The following PDZD8 variants were observed in gnomAD, a reference collection of about 807,000 sequenced individuals.
PDZD8 encodes PDZ domain-containing protein 8.
In PDZD8, 14 loss-of-function variants were observed where a neutral mutation model predicts 85.8. The ratio of observed to expected loss-of-function variants is 0.16; its 90% CI spans 0.11 to 0.26. PDZD8 has a LOEUF of 0.26. Among genes scored for constraint, PDZD8 ranks in the 10% least tolerant of loss-of-function variants. The probability of loss-of-function intolerance (pLI) is 1.00; values close to 1 mark genes in which losing one functional copy is unlikely to be tolerated. For synonymous variants in PDZD8, 592 were observed against 568.6 expected (o/e 1.04, Z -0.59); for missense variants, 1,197 against 1,424.3 (o/e 0.84, Z 2.57).
chr10:117,373,656 T>C (rs1000620018), intron 1 of PDZD8, among the ~76,000 whole-genome samples: 1 of 146,278 alleles, frequency 6.8e-6, no homozygotes, highest in Non-Finnish European at 1.5e-5. Flanking sequence ...GCCATACGCC[T>C]GTAACCCCAG....
At chr10:117,368,648 C>A (rs1279909544) in intron 1 of PDZD8, among the ~76,000 whole-genome samples, 3 of 152,086 alleles carry the variant, frequency 2.0e-5, no homozygotes, top group Non-Finnish European at 4.4e-5. Flanking sequence ...AGTTGATGCC[C>A]CCCTTTTTGG....
intron 2 of PDZD8, among the ~76,000 whole-genome samples, chr10:117,323,987 G>A (rs116333400): frequency 1.4e-4 from 22 of 151,956 alleles, no homozygotes; most frequent in Admixed American, 3.3e-4. Flanking sequence ...CAGCACTTTG[G>A]GGGGCCAAGG....
At chr10:117,307,567 C>A (rs1843965240) in intron 3 of PDZD8, among the ~76,000 whole-genome samples, 1 of 151,994 alleles carries the variant, frequency 6.6e-6, no homozygotes, top group African/African-American at 2.4e-5. Flanking sequence ...GTCTTATTTA[C>A]AGTAGTTAAT....
intron 1 of PDZD8, among the ~76,000 whole-genome samples, chr10:117,371,247 C>G (rs919339575): frequency 6.6e-6 from 1 of 152,066 alleles, no homozygotes; most frequent in Non-Finnish European, 1.5e-5. Flanking sequence ...TGCAGTGGTG[C>G]GATATCGGCT....
rs544467275 is a variant in PDZD8 at position 117,300,068 on chromosome 10, C to A, written c.1099-9720G>T. Among the ~76,000 whole-genome samples, 6 of 152,136 alleles carry A rather than the reference C, an allele frequency of 3.9e-5. No homozygotes were observed. In the South Asian group the frequency reaches 1.0e-3, roughly 26 times the overall value. On this transcript the variant is annotated intron_variant, in intron 3 of 4. Transcript: ENST00000334464. ...AGCACAGGTTATATGAGAAACCCCC[C>A]CCATGTCAAATCAACACCTTTACCC...
chr10:117,309,954 T>C (rs2133795181), intron 3 of PDZD8, among the ~76,000 whole-genome samples: 1 of 152,250 alleles, frequency 6.6e-6, no homozygotes, highest in Admixed American at 6.5e-5. Flanking sequence ...GATTCTGATG[T>C]CACTTTCATT....
intron 2 of PDZD8, among the ~76,000 whole-genome samples, chr10:117,324,602 A>C (rs1175951373): frequency 6.6e-6 from 1 of 152,194 alleles, no homozygotes; most frequent in African/African-American, 2.4e-5. Context: ...TCTGGAATAC[A>C]AGTTTCTGAT....
chr10:117,302,566 C>A (rs2133782954), intron 3 of PDZD8, among the ~76,000 whole-genome samples: 1 of 152,294 alleles, frequency 6.6e-6, no homozygotes, highest in South Asian at 2.1e-4. Flanking sequence ...GGAAAAGAAT[C>A]TCTCAACTAA....
At position 117,302,704 on chromosome 10, in the gene PDZD8, T is replaced by C. The variant is rs577516848; in HGVS notation, c.1099-12356A>G. 2.0e-5 allele frequency among the ~76,000 whole-genome samples: 3 copies of C among 152,280 alleles called. No homozygotes were observed. The East Asian group carries it at 5.8e-4, about 29-fold the overall frequency. Reference sequence around the variant, plus strand: ...TGTATCTCCCAGAATTCACATATGTTGTGGGAGGGACCCAGGGGGGCGTAA... The same window carrying C: ...TGTATCTCCCAGAATTCACATATGTCGTGGGAGGGACCCAGGGGGGCGTAA... On this transcript the variant is annotated intron_variant, in intron 3 of 4. Transcript: ENST00000334464.
At chr10:117,321,452 A>C (rs1015747833) in intron 2 of PDZD8, among the ~76,000 whole-genome samples, 10 of 152,192 alleles carry the variant, frequency 6.6e-5, no homozygotes, top group African/African-American at 2.4e-4. Flanking sequence ...ATTTATACAG[A>C]TAGAAAGTTA....
In PDZD8 at chr10:117,280,336, T is replaced by TA. The variant is rs1844560065; in HGVS notation, c.*2931dup. 2.6e-5 allele frequency: 4 copies of TA among 152,148 alleles called. 1 individual carries two copies. In the South Asian group the frequency reaches 8.3e-4, roughly 31 times the overall value. The allele number at this position is 152,148 out of a possible 1,614,324, so 9.4% of individuals were successfully genotyped here. On this transcript the variant is annotated 3_prime_UTR_variant, in exon 5 of 5. Coordinates refer to ENST00000334464, the MANE Select transcript of PDZD8 (RefSeq NM_173791.5). ...TTGATAATCCATAAGGAAACAATAG[T>TA]AAAAAAATGTTTTGGGGCAGTCTGC...
intron 3 of PDZD8, among the ~76,000 whole-genome samples, chr10:117,311,234 G>C (rs912042311): frequency 3.8e-5 from 4 of 105,316 alleles, no homozygotes; most frequent in African/African-American, 1.3e-4. Context: ...TAAAAATCAG[G>C]CTTTTCACAA....
intron 1 of PDZD8, among the ~76,000 whole-genome samples, chr10:117,346,305 G>A (rs1436286476): frequency 6.7e-6 from 1 of 149,152 alleles, no homozygotes; most frequent in Non-Finnish European, 1.5e-5. Context: ...CCAATAAAGA[G>A]ACAGGAATTG....
chr10:117,283,192 T>C lies in PDZD8; in HGVS notation c.*76A>G. Reference sequence around the variant, plus strand: ...AGCAGGCCAGAGTGCATACGAGGATTTAAACATGGTTGTATCTGTGGTACT... The same window carrying C: ...AGCAGGCCAGAGTGCATACGAGGATCTAAACATGGTTGTATCTGTGGTACT... On this transcript the variant is annotated 3_prime_UTR_variant, in exon 5 of 5. Transcript: ENST00000334464. 1 of 1,426,206 alleles carries C rather than the reference T, an allele frequency of 7.0e-7. No homozygotes were observed. Among genetic ancestry groups the C allele is most frequent in the Non-Finnish European group, 9.5e-7 (1 of 1,056,060 alleles). The allele number at this position is 1,426,206 out of a possible 1,614,324, so 88.3% of individuals were successfully genotyped here. A position where few individuals can be genotyped will look rare whatever the true frequency, so the allele number is the denominator to read the frequency against.
chr10:117,285,220 C>T lies in PDZD8; in HGVS notation c.1513G>A (p.Val505Ile), dbSNP rs770315380. 2 of 1,614,210 alleles carry T rather than the reference C, an allele frequency of 1.2e-6. No homozygotes were observed. Among genetic ancestry groups the T allele is most frequent in the South Asian group, 1.1e-5 (1 of 91,082 alleles). The change falls in exon 5 of 5, where the codon GTC becomes ATC. Residue 505 changes from valine (V) to isoleucine (I), a missense_variant. This residue lies in a region of PDZD8 where 263 missense variants were observed against 261.9 expected (regional missense o/e 1.00). Coordinates refer to ENST00000334464, the MANE Select transcript of PDZD8 (RefSeq NM_173791.5). Reference sequence around the variant, plus strand: ...TCTTTGAACTCATTTTGTGCTCTGACATCACTTGCCAAGTCTTCAAATTCA... The same window carrying T: ...TCTTTGAACTCATTTTGTGCTCTGATATCACTTGCCAAGTCTTCAAATTCA... ...DSEFEDLASDVRAQNEFKDEA... is the reference protein window; with the variant it reads ...DSEFEDLASDIRAQNEFKDEA...
In PDZD8 at chr10:117,281,045, T is replaced by C. The variant is rs1046994986; in HGVS notation, c.*2223A>G. On this transcript the variant is annotated 3_prime_UTR_variant, in exon 5 of 5. Transcript: ENST00000334464. Reference sequence around the variant, plus strand: ...TTTAGCTTTCAGGGAATTTGGTGTGTAAATTCTTCTATAGCAGTGTTCTTT... The same window carrying C: ...TTTAGCTTTCAGGGAATTTGGTGTGCAAATTCTTCTATAGCAGTGTTCTTT... 2.6e-5 allele frequency: 4 copies of C among 152,198 alleles called. No homozygotes were observed. Among genetic ancestry groups the C allele is most frequent in the African/African-American group, 9.7e-5 (4 of 41,440 alleles). The allele number at this position is 152,198 out of a possible 1,614,324, so 9.4% of individuals were successfully genotyped here. A position where few individuals can be genotyped will look rare whatever the true frequency, so the allele number is the denominator to read the frequency against.
At chr10:117,298,441 G>C (rs1843791738) in intron 3 of PDZD8, among the ~76,000 whole-genome samples, 1 of 151,902 alleles carries the variant, frequency 6.6e-6, no homozygotes, top group East Asian at 1.9e-4. Context: ...CCAAATTTTA[G>C]ACAATGTGTT....
chr10:117,340,598 G>T (rs963692673), intron 2 of PDZD8, among the ~76,000 whole-genome samples: 1 of 152,138 alleles, frequency 6.6e-6, no homozygotes, highest in Non-Finnish European at 1.5e-5. Context: ...TGCAGTGGCT[G>T]CTATACTTAT....
At chr10:117,347,992 T>C (rs1844738562) in intron 1 of PDZD8, among the ~76,000 whole-genome samples, 1 of 152,154 alleles carries the variant, frequency 6.6e-6, no homozygotes, top group African/African-American at 2.4e-5. Context: ...GGTTTTCTTT[T>C]TGAGATGATA....
Sources: gnomAD v4.1 joint callset for allele counts (sites outside exome capture counted in the v4.1 genomes callset) on GRCh38, gnomAD v4.1.1 for gene constraint, gnomAD v4.1.1 regional missense constraint, MANE v1.5 for transcripts, NCBI Gene and HGNC (gene_info 2026-07-23, HGNC 2026-07-21) for gene names.